ADAMTS19: variants seen among roughly 807,000 people sequenced by gnomAD.
ADAMTS19 encodes A disintegrin and metalloproteinase with thrombospondin motifs 19.
Under a neutral mutation model 153.3 loss-of-function variants are expected in ADAMTS19, and 93 were observed. The ratio of observed to expected loss-of-function variants is 0.61; its 90% confidence interval spans 0.51 to 0.72. The LOEUF (loss-of-function observed/expected upper bound fraction) is 0.72, where lower values mean the gene tolerates loss of function less well. ADAMTS19 is among the 30% of genes least tolerant of loss of function. ADAMTS19 has a pLI of 0.00. For synonymous variants in ADAMTS19, 600 were observed against 556.6 expected (o/e 1.08, Z -1.10); for missense variants, 1,482 against 1,552.1 (o/e 0.95, Z 0.76).
chr5:129,536,783 T>C (rs1267214950), intron 6 of ADAMTS19, among the ~76,000 whole-genome samples: 1 of 151,980 alleles, frequency 6.6e-6, no homozygotes, highest in African/African-American at 2.4e-5. Flanking sequence ...AAATTGGAAA[T>C]CATCATTCTC....
intron 8 of ADAMTS19, among the ~76,000 whole-genome samples, chr5:129,615,674 A>G (rs1751487117): frequency 6.6e-6 from 1 of 152,010 alleles, no homozygotes; most frequent in African/African-American, 2.4e-5. Flanking sequence ...TTAAGAGGCA[A>G]AGAGTTAAAG....
In ADAMTS19 at chr5:129,461,972, C is replaced by G. The variant is rs1260746842; in HGVS notation, c.747+215C>G. Among the ~76,000 whole-genome samples, 1 of 152,200 alleles carries G rather than the reference C, an allele frequency of 6.6e-6. No homozygotes were observed. The highest frequency in any genetic ancestry group is 2.4e-5 in the African/African-American group (1 of 41,450). On this transcript the variant is annotated intron_variant, in intron 2 of 22. Coordinates refer to ENST00000274487, the MANE Select transcript of ADAMTS19 (RefSeq NM_133638.6). This position sits in a 1 kb window ranked among gnomAD's most constrained non-coding sequence, Gnocchi z 4.6. ...GAAGTTTAATTGGGTGGATAAATGG[C>G]CTTCTCCTTCCAGATGGTTATGTGT...
chr5:129,489,473 A>T (rs1446687111), intron 2 of ADAMTS19, among the ~76,000 whole-genome samples: 1 of 152,090 alleles, frequency 6.6e-6, no homozygotes, highest in Non-Finnish European at 1.5e-5. Flanking sequence ...ATTGTATGAA[A>T]TTCTTGATAT....
intron 8 of ADAMTS19, among the ~76,000 whole-genome samples, chr5:129,617,481 A>G (rs1443356092): frequency 6.6e-6 from 1 of 152,070 alleles, no homozygotes; most frequent in African/African-American, 2.4e-5. Context: ...CACATTATTT[A>G]GGAAGGTTTA....
intron 21 of ADAMTS19, among the ~76,000 whole-genome samples, chr5:129,731,551 T>C (rs1447938003): frequency 6.6e-6 from 1 of 152,130 alleles, no homozygotes; most frequent in Non-Finnish European, 1.5e-5. Flanking sequence ...TCAATTAATA[T>C]GTGCCATTCA....
chr5:129,665,985 A>G (rs1754037177), intron 16 of ADAMTS19, among the ~76,000 whole-genome samples: 1 of 149,958 alleles, frequency 6.7e-6, no homozygotes, highest in Non-Finnish European at 1.5e-5. Context: ...TTATGTATAT[A>G]TATATATAAA....
At chr5:129,729,305 A>G (rs113181396) in intron 21 of ADAMTS19, among the ~76,000 whole-genome samples, 3,185 of 152,042 alleles carry the variant, frequency 0.021, 110 homozygotes, top group African/African-American at 0.071. Context: ...TGATTATTCA[A>G]TATTGTCTTC....
chr5:129,590,643 A>G (rs550449402), intron 7 of ADAMTS19, among the ~76,000 whole-genome samples: 7 of 152,192 alleles, frequency 4.6e-5, no homozygotes, highest in Non-Finnish European at 8.8e-5. Flanking sequence ...CCAAACTTGT[A>G]ACTTCCGTAA....
chr5:129,504,086 A>AT (rs199910968), intron 2 of ADAMTS19, among the ~76,000 whole-genome samples: 1,830 of 152,196 alleles, frequency 0.012, 34 homozygotes, highest in African/African-American at 0.04. Context: ...ACATTGTCAT[A>AT]TTTTTTCAAT....
intron 3 of ADAMTS19, among the ~76,000 whole-genome samples, chr5:129,522,277 G>A (rs1751836795): frequency 7.3e-6 from 1 of 137,600 alleles, no homozygotes; most frequent in African/African-American, 2.7e-5. Flanking sequence ...ACATATGTAT[G>A]CGTAGTTGTA....
Position 129,653,044 on chromosome 5 carries a change from A to G in ADAMTS19, c.2177-1262A>G, listed in dbSNP as rs530494897. Among the ~76,000 whole-genome samples, 43 of 152,312 alleles carry G rather than the reference A, an allele frequency of 2.8e-4. No homozygotes were observed. The South Asian group carries it at 4.8e-3, about 17-fold the overall frequency. On this transcript the variant is annotated intron_variant, in intron 13 of 22. Transcript: ENST00000274487. ...CAAAATTGTTGAGAGCAGTATTCAG[A>G]AGCCACATGTGAAAACTGTTTGAAA...
intron 21 of ADAMTS19, among the ~76,000 whole-genome samples, chr5:129,706,295 C>T (rs1013304735): frequency 2.6e-5 from 4 of 152,140 alleles, no homozygotes; most frequent in Admixed American, 1.3e-4. Context: ...GTAGGCCAGC[C>T]GCAGTGGCTC....
intron 18 of ADAMTS19, among the ~76,000 whole-genome samples, chr5:129,694,094 A>G (rs915701011): frequency 4.6e-5 from 7 of 152,194 alleles, no homozygotes; most frequent in Non-Finnish European, 8.8e-5. Context: ...ACTTAATGCT[A>G]AAAGATGGCC....
At chr5:129,712,626 G>T (rs528695849) in intron 21 of ADAMTS19, among the ~76,000 whole-genome samples, 27 of 151,982 alleles carry the variant, frequency 1.8e-4, no homozygotes, top group South Asian at 1.7e-3. Flanking sequence ...AATCTCCTGA[G>T]AGTCTTATTT....
chr5:129,580,342 C>T (rs976771238), intron 7 of ADAMTS19, among the ~76,000 whole-genome samples: 8 of 152,086 alleles, frequency 5.3e-5, no homozygotes, highest in Admixed American at 3.9e-4. Context: ...TGGGCTGAAA[C>T]GATGGGGTTT....
intron 6 of ADAMTS19, among the ~76,000 whole-genome samples, chr5:129,550,931 A>G (rs1199603388): frequency 6.6e-6 from 1 of 151,628 alleles, no homozygotes; most frequent in East Asian, 1.9e-4. Flanking sequence ...CCCAACCAAA[A>G]CATCACAACT....
At chr5:129,496,112 A>AG (rs1391265186) in intron 2 of ADAMTS19, among the ~76,000 whole-genome samples, 11 of 152,108 alleles carry the variant, frequency 7.2e-5, no homozygotes, top group African/African-American at 1.7e-4. Context: ...GTTCCTTTTA[A>AG]GGGGGGGCAC....
intron 16 of ADAMTS19, among the ~76,000 whole-genome samples, chr5:129,670,773 A>G (rs1282411746): frequency 1.3e-5 from 2 of 152,146 alleles, no homozygotes; most frequent in Non-Finnish European, 2.9e-5. Context: ...TAAATCATGA[A>G]ATGACTGTTT....
intron 10 of ADAMTS19, among the ~76,000 whole-genome samples, chr5:129,633,381 G>T (rs1752393576): frequency 6.6e-6 from 1 of 152,104 alleles, no homozygotes; most frequent in Non-Finnish European, 1.5e-5. Context: ...CATTTTTAAA[G>T]AAAGGGTTGC....
Sources: allele counts gnomAD v4.1 joint callset (sites outside exome capture counted in the v4.1 genomes callset), GRCh38; gene constraint gnomAD v4.1.1; non-coding constraint Gnocchi (gnomAD v3.1); transcripts MANE v1.5; gene names NCBI Gene and HGNC (gene_info 2026-07-23, HGNC 2026-07-21).